Variants in COG5 observed in about 807,000 individuals in gnomAD.
The protein encoded by COG5 is conserved oligomeric Golgi complex subunit 5.
COG5 carries 86 observed loss-of-function variants against 110.4 expected under a neutral mutation model. The observed-to-expected ratio is 0.78, with a 90% CI of 0.65 to 0.93. The LOEUF is 0.93. Ranked by LOEUF, COG5 falls within the 40% of genes least tolerant of loss-of-function variation. The pLI, the probability that COG5 is intolerant of heterozygous loss-of-function variation, is 0.00. For missense variants in COG5, 1,077 were observed against 987.0 expected (o/e 1.09, Z -1.22); for synonymous variants, 360 against 334.6 (o/e 1.08, Z -0.83).
At chr7:107,434,628 G>T (rs986186671) in intron 6 of COG5, among the ~76,000 whole-genome samples, 1 of 151,920 alleles carries the variant, frequency 6.6e-6, no homozygotes, top group Non-Finnish European at 1.5e-5. Flanking sequence ...AAGATAAAAA[G>T]AAAAAGAAAA....
At chr7:107,526,869 G>A (rs1253070585) in intron 6 of COG5, among the ~76,000 whole-genome samples, 1 of 152,180 alleles carries the variant, frequency 6.6e-6, no homozygotes, top group East Asian at 1.9e-4. Flanking sequence ...ATCAGTGGCT[G>A]TCAGGACTAG....
intron 6 of COG5, among the ~76,000 whole-genome samples, chr7:107,454,549 T>A (rs1449018832): frequency 2.0e-5 from 3 of 152,256 alleles, no homozygotes; most frequent in Middle Eastern, 3.2e-3. Context: ...ATGCCCTTTG[T>A]GTTTCTTAGT....
chr7:107,510,687 A>G (rs911375784), intron 6 of COG5, among the ~76,000 whole-genome samples: 3 of 152,208 alleles, frequency 2.0e-5, no homozygotes, highest in Non-Finnish European at 2.9e-5. Context: ...AAATTATAAC[A>G]AACTGTCTCT....
intron 6 of COG5, among the ~76,000 whole-genome samples, chr7:107,442,979 T>G (rs1391802065): frequency 1.3e-5 from 2 of 152,160 alleles, no homozygotes; most frequent in Admixed American, 1.3e-4. Flanking sequence ...CATCAAGGGT[T>G]TTCCCTTGCT....
At chr7:107,366,127 T>G (rs1813589662) in intron 8 of COG5, among the ~76,000 whole-genome samples, 1 of 152,004 alleles carries the variant, frequency 6.6e-6, no homozygotes, top group African/African-American at 2.4e-5. Flanking sequence ...CTGTCTCAAA[T>G]TACTGGAATA....
At chr7:107,317,908 A>T (rs1262060899) in intron 11 of COG5, among the ~76,000 whole-genome samples, 2 of 152,224 alleles carry the variant, frequency 1.3e-5, no homozygotes, top group Non-Finnish European at 2.9e-5. Flanking sequence ...TGATTTCCTT[A>T]GTTTACCTTC....
intron 6 of COG5, among the ~76,000 whole-genome samples, chr7:107,442,054 T>C (rs980303265): frequency 7.9e-5 from 12 of 152,208 alleles, no homozygotes; most frequent in South Asian, 6.2e-4. Flanking sequence ...TTTGGCTCTG[T>C]GGCCCCACCC....
chr7:107,387,115 C>T (rs1790262733), intron 7 of COG5, among the ~76,000 whole-genome samples: 1 of 152,136 alleles, frequency 6.6e-6, no homozygotes, highest in African/African-American at 2.4e-5. Context: ...ACAAGGCAAT[C>T]GAGTATTTCT....
chr7:107,507,128 T>C (rs1799075221), intron 6 of COG5, among the ~76,000 whole-genome samples: 1 of 152,128 alleles, frequency 6.6e-6, no homozygotes, highest in African/African-American at 2.4e-5. Flanking sequence ...GGGGTGTGTA[T>C]CCTGGAGGCA....
intron 20 of COG5, 41 bp downstream of exon 20, chr7:107,211,058 G>T: frequency 6.2e-7 from 1 of 1,610,384 alleles, no homozygotes; most frequent in Non-Finnish European, 8.5e-7. Context: ...CAGGTAATGG[G>T]AAGAGTCACA....
intron 6 of COG5, among the ~76,000 whole-genome samples, chr7:107,416,363 T>G (rs1792846495): frequency 1.3e-5 from 2 of 151,910 alleles, no homozygotes; most frequent in Admixed American, 6.6e-5. Flanking sequence ...ACAATGAATC[T>G]CAATAACATA....
At chr7:107,311,518 C>T (rs972094429) in intron 11 of COG5, among the ~76,000 whole-genome samples, 115 of 149,678 alleles carry the variant, frequency 7.7e-4, no homozygotes, top group African/African-American at 2.5e-3. Flanking sequence ...CTCAGCCTCC[C>T]GAGTAGCTGG....
intron 7 of COG5, among the ~76,000 whole-genome samples, chr7:107,382,158 G>A (rs150776493): frequency 0.014 from 2,188 of 152,280 alleles, 51 homozygotes; most frequent in African/African-American, 0.051. Context: ...TCCCTGTACA[G>A]GGTTCCTGAC....
intron 19 of COG5, 102 bp downstream of exon 19, chr7:107,230,513 C>A (rs1800699877): frequency 7.0e-6 from 6 of 859,202 alleles, no homozygotes; most frequent in South Asian, 4.0e-5. Context: ...TGTTGTAGAT[C>A]AAAAATGGTT....
chr7:107,311,479 C>T (rs1051403379), intron 11 of COG5, among the ~76,000 whole-genome samples: 7 of 147,094 alleles, frequency 4.8e-5, no homozygotes, highest in Admixed American at 1.4e-4. Context: ...CTGCAAGCTC[C>T]GCTTCCCGGG....
intron 6 of COG5, chr7:107,475,748 T>C (rs1164867919): frequency 1.2e-5 from 2 of 171,470 alleles, no homozygotes; most frequent in East Asian, 1.9e-4. Flanking sequence ...AAACTACAGA[T>C]ATATTTAGAT....
At chr7:107,454,876 G>C (rs1221359643) in intron 6 of COG5, among the ~76,000 whole-genome samples, 2 of 152,156 alleles carry the variant, frequency 1.3e-5, no homozygotes, top group East Asian at 1.9e-4. Flanking sequence ...TTGCCTTTTA[G>C]AGAGTATTTC....
chr7:107,311,344 T>A (rs1461046114), intron 11 of COG5, among the ~76,000 whole-genome samples: 3 of 151,220 alleles, frequency 2.0e-5, no homozygotes, highest in Non-Finnish European at 3.0e-5. Context: ...ATTTCTCTAT[T>A]TATAAGTGAT....
At chr7:107,204,207 TTTATGA>T (rs1270966734) in intron 21 of COG5, among the ~76,000 whole-genome samples, 14 of 152,334 alleles carry the variant, frequency 9.2e-5, no homozygotes, top group Middle Eastern at 3.4e-3. Context: ...CATTCCATTG[TTTATGA>T]TTATGATCTC....
Sources: allele counts gnomAD v4.1 joint callset (sites outside exome capture counted in the v4.1 genomes callset), GRCh38; gene constraint gnomAD v4.1.1; transcripts MANE v1.5; gene names NCBI Gene and HGNC (gene_info 2026-07-23, HGNC 2026-07-21).